The following CYTH3 variants were observed in gnomAD, a reference collection of about 807,000 sequenced individuals.
The protein encoded by CYTH3 is cytohesin-3.
In CYTH3, 23 loss-of-function variants were observed where a neutral mutation model predicts 55.1. That is an observed-to-expected ratio of 0.42 (90% CI 0.30 to 0.59). The LOEUF is 0.59. Ranked by LOEUF, CYTH3 falls within the 20% of genes least tolerant of loss-of-function variation. The pLI is 0.20. For synonymous variants in CYTH3, 249 were observed against 194.9 expected (o/e 1.28, Z -2.31); for missense variants, 413 against 524.8 (o/e 0.79, Z 2.08).
chr7:6,171,174 G>A lies in CYTH3; in HGVS notation c.562+28C>T. On this transcript the variant is annotated intron_variant, in intron 7 of 12. Coordinates refer to ENST00000350796, the MANE Select transcript of CYTH3 (RefSeq NM_004227.4). The surrounding 1 kb of genome is among the most constrained non-coding windows in gnomAD (Gnocchi z 6.7). Reference sequence around the variant, plus strand: ...CAGAGCTGGAGGCTGTGCCTGGCAAGGGGCCAGGCTGTGGGCTCTGCACTG... The same window carrying A: ...CAGAGCTGGAGGCTGTGCCTGGCAAAGGGCCAGGCTGTGGGCTCTGCACTG... The A allele has an allele frequency of 8.1e-6, 13 of 1,609,060 alleles. No individual in the cohort carries two copies. Among genetic ancestry groups the A allele is most frequent in the Admixed American group, 3.3e-5 (2 of 59,960 alleles).
intron 9 of CYTH3, among the ~76,000 whole-genome samples, 173 bp from the exon 10 acceptor site, chr7:6,165,983 C>G (rs191935479): frequency 1.3e-5 from 2 of 152,314 alleles, no homozygotes; most frequent in East Asian, 3.9e-4. Context: ...ATGCACCCAC[C>G]CCGCCCACAC....
At chr7:6,173,868 GTAT>G (rs1783265855) in intron 5 of CYTH3, 135 bp from the exon 6 acceptor site, 3 of 641,506 alleles carry the variant, frequency 4.7e-6, no homozygotes, top group Non-Finnish European at 8.5e-6. Flanking sequence ...TAAAACATTT[GTAT>G]TTTTTGTAGA....
intron 1 of CYTH3, among the ~76,000 whole-genome samples, chr7:6,241,048 G>A (rs559062336): frequency 6.6e-6 from 1 of 152,274 alleles, no homozygotes; most frequent in South Asian, 2.1e-4. Flanking sequence ...CTTGAACCTG[G>A]GAGGCGGAGG....
intron 1 of CYTH3, among the ~76,000 whole-genome samples, chr7:6,255,763 T>G (rs1348912852): frequency 9.3e-5 from 13 of 140,076 alleles, no homozygotes; most frequent in Admixed American, 4.9e-4. Flanking sequence ...AATCTGTTTT[T>G]TTTTTTTTTT....
chr7:6,212,776 T>C (rs1467568429), intron 1 of CYTH3: 2 of 152,244 alleles, frequency 1.3e-5, no homozygotes, highest in African/African-American at 2.4e-5. Context: ...TATTCCATTG[T>C]ATGGAGAGAC....
At chr7:6,181,305 C>T (rs1053757656) in intron 4 of CYTH3, among the ~76,000 whole-genome samples, 1 of 152,148 alleles carries the variant, frequency 6.6e-6, no homozygotes, top group Non-Finnish European at 1.5e-5. Flanking sequence ...TTTGAGGTGT[C>T]ACGCTCCAAT....
chr7:6,260,083 C>G (rs1780312804), intron 1 of CYTH3, among the ~76,000 whole-genome samples: 1 of 151,042 alleles, frequency 6.6e-6, no homozygotes, highest in African/African-American at 2.4e-5. Flanking sequence ...CCCTCCTCGG[C>G]CTCCCAAAGT....
At chr7:6,198,373 A>G (rs1328637928) in intron 1 of CYTH3, among the ~76,000 whole-genome samples, 2 of 152,260 alleles carry the variant, frequency 1.3e-5, no homozygotes, top group Non-Finnish European at 2.9e-5. Flanking sequence ...CCAGCTGTTT[A>G]GTGACGTTCT....
intron 1 of CYTH3, among the ~76,000 whole-genome samples, chr7:6,192,348 G>T (rs1783820331): frequency 6.6e-6 from 1 of 151,596 alleles, no homozygotes; most frequent in Admixed American, 6.6e-5. Context: ...CTCCCAAGTA[G>T]CTAGGATTAC....
chr7:6,165,617 C>T lies in CYTH3; in HGVS notation c.901-1G>A. On this transcript the variant is annotated splice_acceptor_variant, in intron 10 of 12. Transcript: ENST00000350796. LOFTEE classifies it high-confidence loss of function. ...GGATGATTCCCCTGGGCTCCTTATCCTACAAGAGGAAAGTACACGGCGGGG... is the reference window on the plus strand; with the variant it reads ...GGATGATTCCCCTGGGCTCCTTATCTTACAAGAGGAAAGTACACGGCGGGG... The T allele has an allele frequency of 6.2e-7, 1 of 1,613,954 alleles. No individual in the cohort carries two copies. The highest frequency in any genetic ancestry group is 8.5e-7 in the Non-Finnish European group (1 of 1,179,902).
intron 1 of CYTH3, among the ~76,000 whole-genome samples, chr7:6,248,485 TAG>T (rs1421266419): frequency 6.6e-6 from 1 of 152,168 alleles, no homozygotes; most frequent in East Asian, 1.9e-4. Flanking sequence ...TCTCCCTGTC[TAG>T]ACCTGGCTTC....
At chr7:6,222,245 C>T (rs117394623) in intron 1 of CYTH3, among the ~76,000 whole-genome samples, 2 of 152,110 alleles carry the variant, frequency 1.3e-5, no homozygotes, top group Non-Finnish European at 2.9e-5. Context: ...AGGGACATCA[C>T]GGAAGGAAGA....
intron 1 of CYTH3, among the ~76,000 whole-genome samples, chr7:6,217,203 T>G (rs1784448381): frequency 6.6e-6 from 1 of 152,138 alleles, no homozygotes; most frequent in South Asian, 2.1e-4. Flanking sequence ...CATGAACCAC[T>G]GCTCCTGGCC....
At chr7:6,259,787 A>ATATATATATATAT (rs1780269683) in intron 1 of CYTH3, among the ~76,000 whole-genome samples, 2 of 15,112 alleles carry the variant, frequency 1.3e-4, no homozygotes, top group African/African-American at 1.0e-3. Context: ...TATATATAAT[A>ATATATATATATAT]TATATATATA....
At chr7:6,240,892 G>A (rs1779656348) in intron 1 of CYTH3, among the ~76,000 whole-genome samples, 1 of 152,032 alleles carries the variant, frequency 6.6e-6, no homozygotes, top group Non-Finnish European at 1.5e-5. Context: ...AAGGCGGGTG[G>A]ATCACGAGGT....
intron 1 of CYTH3, among the ~76,000 whole-genome samples, chr7:6,259,800 T>TATATAATATATATATA (rs59014238): frequency 3.9e-5 from 1 of 25,504 alleles, no homozygotes; most frequent in African/African-American, 4.7e-4. Context: ...TATATATATA[T>TATATAATATATATATA]ATATATATAT....
intron 1 of CYTH3, among the ~76,000 whole-genome samples, chr7:6,196,448 CTTTTTTTCTTTTTTT>C (rs1783931307): frequency 7.4e-6 from 1 of 135,256 alleles, no homozygotes; most frequent in Middle Eastern, 3.5e-3. Flanking sequence ...CATCTTTTTT[CTTTTTTTCTTTTTTT>C]TTTTTTTTTT....
chr7:6,251,762 G>C (rs1282902698), intron 1 of CYTH3, among the ~76,000 whole-genome samples: 1 of 152,132 alleles, frequency 6.6e-6, no homozygotes, highest in Non-Finnish European at 1.5e-5. Flanking sequence ...GGACTTCAAA[G>C]AGGCCTGTCC....
Position 6,173,640 on chromosome 7 carries a change from T to C in CYTH3, c.449+13A>G, listed in dbSNP as rs567901654. 1.8e-4 allele frequency: 283 copies of C among 1,585,850 alleles called. 4 individuals are homozygous for C. The South Asian group carries it at 2.9e-3, about 16-fold the overall frequency. On this transcript the variant is annotated intron_variant, in intron 6 of 12. Coordinates refer to ENST00000350796, the MANE Select transcript of CYTH3 (RefSeq NM_004227.4). ...CCCCATCCACTCTACACCCAGCAAA[T>C]GATCATACTTACCTTAAGGCTTGTA...
Sources: gnomAD v4.1 joint callset for allele counts (sites outside exome capture counted in the v4.1 genomes callset) on GRCh38, gnomAD v4.1.1 for gene constraint, Gnocchi (gnomAD v3.1) non-coding constraint, MANE v1.5 for transcripts, NCBI Gene and HGNC (gene_info 2026-07-23, HGNC 2026-07-21) for gene names.